The following CENPP variants were observed in gnomAD, a reference collection of about 807,000 sequenced individuals.
CENPP encodes centromere protein P.
Under a neutral mutation model 35.6 loss-of-function variants are expected in CENPP, and 24 were observed. The observed-to-expected ratio is 0.67, with a 90% CI of 0.49 to 0.95. The LOEUF is 0.95. Ranked by LOEUF, CENPP falls within the 40% of genes least tolerant of loss-of-function variation. The pLI is 0.00. For synonymous variants in CENPP, 120 were observed against 125.5 expected (o/e 0.96, Z 0.29); for missense variants, 332 against 345.3 (o/e 0.96, Z 0.31).
At chr9:92,334,121 G>GT (rs11423555) in intron 2 of CENPP, among the ~76,000 whole-genome samples, 50,129 of 133,912 alleles carry the variant, frequency 0.37, 11,154 homozygotes, top group African/African-American at 0.61. Flanking sequence ...TGAGAGTAGG[G>GT]TTTTTTTTTT....
intron 5 of CENPP, chr9:92,470,721 T>C (rs1845479794): frequency 1.9e-6 from 3 of 1,599,736 alleles, no homozygotes; most frequent in Admixed American, 1.7e-5. Context: ...CTTAATTTTA[T>C]TGTTTTGAAG....
In CENPP at chr9:92,325,967, G is replaced by A; in HGVS notation, c.-32G>A. The A allele has an allele frequency of 6.5e-7, 1 of 1,532,396 alleles. No homozygotes were observed. The highest frequency in any genetic ancestry group is 8.8e-7 in the Non-Finnish European group (1 of 1,131,566). The allele number at this position is 1,532,396 out of a possible 1,614,324, so 94.9% of individuals were successfully genotyped here. On this transcript the variant is annotated 5_prime_UTR_variant, in exon 1 of 8. Coordinates refer to ENST00000375587, the MANE Select transcript of CENPP (RefSeq NM_001012267.3). Reference sequence around the variant, plus strand: ...GCGCGCAGGTCGGAGTGACAGCTGCGCTGCCGGCCCGGCTGCGGTCAGCAA... The same window carrying A: ...GCGCGCAGGTCGGAGTGACAGCTGCACTGCCGGCCCGGCTGCGGTCAGCAA...
At chr9:92,577,718 C>G (rs897221713) in intron 5 of CENPP, among the ~76,000 whole-genome samples, 5 of 152,054 alleles carry the variant, frequency 3.3e-5, no homozygotes, top group African/African-American at 1.2e-4. Flanking sequence ...TACTTGGAAG[C>G]TGAGGTGGGA....
At position 92,332,293 on chromosome 9, in the gene CENPP, T is replaced by C. The variant is rs775964955; in HGVS notation, c.231T>C (p.Asn77=). Residue 77 remains asparagine, a synonymous_variant, in exon 2 of 8, where the codon AAT becomes AAC. Coordinates refer to ENST00000375587, the MANE Select transcript of CENPP (RefSeq NM_001012267.3). ...TTCTAAGTACGCTTACTGGCATCAA[T>C]ATAAGAAATCACTCCAAGCAGACAG... ...LSFLSTLTGI[N]IRNHSKQTED... 6.2e-7 allele frequency: 1 copy of C among 1,611,490 alleles called. No individual in the cohort carries two copies. The highest frequency in any genetic ancestry group is 1.1e-5 in the South Asian group (1 of 90,414).
chr9:92,444,464 T>A (rs1844501002), intron 5 of CENPP, among the ~76,000 whole-genome samples: 1 of 152,116 alleles, frequency 6.6e-6, no homozygotes, highest in Non-Finnish European at 1.5e-5. Flanking sequence ...ACTTTCTTGA[T>A]GATGTCTTTT....
At chr9:92,365,957 G>A (rs1841876884) in intron 4 of CENPP, among the ~76,000 whole-genome samples, 1 of 151,436 alleles carries the variant, frequency 6.6e-6, no homozygotes, top group Non-Finnish European at 1.5e-5. Flanking sequence ...AAGGCGGGCG[G>A]ATCACGAGGT....
chr9:92,385,309 G>A (rs757035251), intron 5 of CENPP: 26 of 207,488 alleles, frequency 1.3e-4, no homozygotes, highest in Non-Finnish European at 1.2e-4. Context: ...TACATCATTA[G>A]TAATAGGAAT....
At chr9:92,461,896 G>GT (rs539760639) in intron 5 of CENPP, among the ~76,000 whole-genome samples, 56 of 151,900 alleles carry the variant, frequency 3.7e-4, no homozygotes, top group Admixed American at 8.5e-4. Context: ...GGTTTTTTGT[G>GT]TTTTTTTTAA....
chr9:92,397,048 G>A (rs1280779831), intron 5 of CENPP, among the ~76,000 whole-genome samples: 2 of 151,328 alleles, frequency 1.3e-5, no homozygotes, highest in Non-Finnish European at 2.9e-5. Flanking sequence ...GTGGTGGCAC[G>A]TTCCTGTAGT....
At chr9:92,409,805 A>C (rs1180338466) in intron 5 of CENPP, among the ~76,000 whole-genome samples, 1 of 152,220 alleles carries the variant, frequency 6.6e-6, no homozygotes, top group Non-Finnish European at 1.5e-5. Context: ...TATAAATATC[A>C]AATTAACTGG....
chr9:92,391,315 G>A (rs1206609610), intron 5 of CENPP, among the ~76,000 whole-genome samples: 14 of 152,126 alleles, frequency 9.2e-5, no homozygotes, highest in African/African-American at 1.4e-4. Context: ...GCTGAGGCAG[G>A]AGAATGGCAT....
chr9:92,568,652 A>T (rs186890413), intron 5 of CENPP, among the ~76,000 whole-genome samples: 11 of 152,314 alleles, frequency 7.2e-5, no homozygotes, highest in African/African-American at 2.2e-4. Flanking sequence ...ATCCTGAGGA[A>T]TCGCCACACT....
chr9:92,453,634 T>A (rs924236919), intron 5 of CENPP, among the ~76,000 whole-genome samples: 1 of 152,020 alleles, frequency 6.6e-6, no homozygotes, highest in Non-Finnish European at 1.5e-5. Flanking sequence ...TCCCACACAA[T>A]AATAATGGGA....
intron 5 of CENPP, among the ~76,000 whole-genome samples, chr9:92,405,369 T>G (rs1023709635): frequency 6.6e-6 from 1 of 152,072 alleles, no homozygotes; most frequent in Non-Finnish European, 1.5e-5. Flanking sequence ...AGCTAAAAAT[T>G]TAACAAATAT....
At chr9:92,540,689 T>C (rs1049767235) in intron 5 of CENPP, among the ~76,000 whole-genome samples, 3 of 151,614 alleles carry the variant, frequency 2.0e-5, no homozygotes, top group African/African-American at 7.3e-5. Context: ...GAGAATCACT[T>C]GAACCTGGGA....
rs767088903 is a variant in CENPP at position 92,613,391 on chromosome 9, A to C, written c.*242A>C. Reference sequence around the variant, plus strand: ...TTTATAAAAATAAGCTTAACATCTGAGAAAATGTACCAAGTGGTTGTGTGT... The same window carrying C: ...TTTATAAAAATAAGCTTAACATCTGCGAAAATGTACCAAGTGGTTGTGTGT... On this transcript the variant is annotated 3_prime_UTR_variant, in exon 8 of 8. Transcript: ENST00000375587. The C allele has an allele frequency of 6.9e-4, 300 of 434,900 alleles. 2 individuals carry two copies. The highest frequency in any genetic ancestry group is 1.2e-3 in the Non-Finnish European group (277 of 236,844). The allele number at this position is 434,900 out of a possible 1,614,324, so 26.9% of individuals were successfully genotyped here.
intron 4 of CENPP, among the ~76,000 whole-genome samples, chr9:92,350,576 TA>T (rs1291054493): frequency 6.6e-6 from 1 of 152,266 alleles, no homozygotes; most frequent in Non-Finnish European, 1.5e-5. Context: ...ATTAAGAGTT[TA>T]TTTTTTTGCT....
intron 5 of CENPP, among the ~76,000 whole-genome samples, chr9:92,387,331 G>T (rs1842474468): frequency 6.6e-6 from 1 of 151,270 alleles, no homozygotes; most frequent in South Asian, 2.1e-4. Context: ...AGCCGAGATT[G>T]TGCCACTGCA....
At chr9:92,337,044 G>A (rs772600884) in intron 2 of CENPP, among the ~76,000 whole-genome samples, 19 of 151,956 alleles carry the variant, frequency 1.3e-4, no homozygotes, top group African/African-American at 3.1e-4. Context: ...TTGGCCGGGC[G>A]CAGTGGCTCA....
Sources: gnomAD v4.1 joint callset for allele counts (sites outside exome capture counted in the v4.1 genomes callset) on GRCh38, gnomAD v4.1.1 for gene constraint, MANE v1.5 for transcripts, NCBI Gene and HGNC (gene_info 2026-07-23, HGNC 2026-07-21) for gene names.